Variants in PTPRM observed in about 807,000 individuals in gnomAD.
The protein encoded by PTPRM is protein tyrosine phosphatase receptor type M, also known as receptor-type tyrosine-protein phosphatase mu.
A neutral mutation model predicts 186.7 loss-of-function variants in PTPRM; 47 were observed. That is an observed-to-expected ratio of 0.25 (90% CI 0.20 to 0.32). The LOEUF is 0.32. PTPRM is among the 10% of genes least tolerant of loss of function. The pLI, the probability that PTPRM is intolerant of heterozygous loss-of-function variation, is 1.00. For synonymous variants in PTPRM, 668 were observed against 674.9 expected (o/e 0.99, Z 0.16); for missense variants, 1,494 against 1,865.0 (o/e 0.80, Z 3.66).
At chr18:7,998,399 A>G (rs985845552) in intron 7 of PTPRM, among the ~76,000 whole-genome samples, 1 of 152,128 alleles carries the variant, frequency 6.6e-6, no homozygotes, top group South Asian at 2.1e-4. Context: ...TGGAAGCCCC[A>G]ATTACCCTGA....
chr18:7,784,677 C>T (rs1313686801), intron 2 of PTPRM, among the ~76,000 whole-genome samples: 1 of 152,206 alleles, frequency 6.6e-6, no homozygotes, highest in Non-Finnish European at 1.5e-5. Flanking sequence ...GCCCAAATTG[C>T]AGCTCTTTTC....
At chr18:7,574,487 A>G (rs943863542) in intron 1 of PTPRM, among the ~76,000 whole-genome samples, 2 of 152,246 alleles carry the variant, frequency 1.3e-5, no homozygotes, top group Non-Finnish European at 2.9e-5. Context: ...TAATTCAAAT[A>G]AATATTTATT....
At chr18:8,298,958 T>A (rs1253693082) in intron 20 of PTPRM, among the ~76,000 whole-genome samples, 2 of 152,116 alleles carry the variant, frequency 1.3e-5, no homozygotes, top group Non-Finnish European at 2.9e-5. Flanking sequence ...TACAAAAAAA[T>A]TTTAAAAATT....
chr18:7,813,761 C>CT (rs34152885), intron 2 of PTPRM, among the ~76,000 whole-genome samples: 4 of 149,690 alleles, frequency 2.7e-5, no homozygotes, highest in East Asian at 3.9e-4. Flanking sequence ...ATTTTTTCAT[C>CT]TTTTTTTCCC....
Position 7,785,059 on chromosome 18 carries a change from G to C in PTPRM, c.196+10788G>C, listed in dbSNP as rs543033068. ...GTAAAGGCAGTGAGGGGTGGGAAGG[G>C]AGCACAGGTGTTCACAAGGCTGCCT... On this transcript the variant is annotated intron_variant, in intron 2 of 32. Transcript: ENST00000580170. Among the ~76,000 whole-genome samples the C allele has an allele frequency of 3.9e-5, 6 of 152,288 alleles. No individual in the cohort carries two copies. The East Asian group carries it at 1.2e-3, about 29-fold the overall frequency.
intron 7 of PTPRM, among the ~76,000 whole-genome samples, chr18:8,063,382 G>A (rs1193136458): frequency 1.3e-5 from 2 of 151,864 alleles, no homozygotes; most frequent in East Asian, 3.9e-4. Context: ...CGGTACCTCA[G>A]ATGGAAATGC....
chr18:7,687,068 C>A (rs188592075), intron 1 of PTPRM, among the ~76,000 whole-genome samples: 66 of 152,190 alleles, frequency 4.3e-4, no homozygotes, highest in African/African-American at 1.5e-3. Context: ...TAGTTTATAA[C>A]CTCAACTAAT....
At chr18:7,713,674 A>G (rs2040259439) in intron 1 of PTPRM, among the ~76,000 whole-genome samples, 1 of 148,194 alleles carries the variant, frequency 6.7e-6, no homozygotes, top group African/African-American at 2.5e-5. Flanking sequence ...GGATAGAGGA[A>G]TATTTTCCAA....
At chr18:8,094,921 C>T (rs2090937977) in intron 11 of PTPRM, among the ~76,000 whole-genome samples, 1 of 152,190 alleles carries the variant, frequency 6.6e-6, no homozygotes, top group Non-Finnish European at 1.5e-5. Flanking sequence ...TCCAGGCTCT[C>T]TCCACTTGTA....
chr18:7,712,391 A>G (rs2040231888), intron 1 of PTPRM, among the ~76,000 whole-genome samples: 2 of 152,180 alleles, frequency 1.3e-5, no homozygotes, highest in South Asian at 2.1e-4. Context: ...AGATAAATCC[A>G]TGAAGATGGG....
intron 2 of PTPRM, among the ~76,000 whole-genome samples, chr18:7,847,941 G>A (rs1434128432): frequency 6.6e-6 from 1 of 152,212 alleles, no homozygotes; most frequent in East Asian, 1.9e-4. Context: ...CACAGAAGAG[G>A]AAGAATGAGT....
chr18:8,212,884 C>T (rs770975809), intron 14 of PTPRM, among the ~76,000 whole-genome samples: 3 of 152,174 alleles, frequency 2.0e-5, no homozygotes, highest in Non-Finnish European at 2.9e-5. Context: ...ACCCACCACC[C>T]GTCTCCATTC....
chr18:8,339,834 T>C lies in PTPRM; in HGVS notation c.2957-3589T>C, dbSNP rs139270081. 8.9e-3 allele frequency among the ~76,000 whole-genome samples: 1,349 copies of C among 152,218 alleles called. 6 individuals are homozygous for C. The highest frequency in any genetic ancestry group is 0.014 in the African/African-American group (590 of 41,546). On this transcript the variant is annotated intron_variant, in intron 22 of 32. Transcript: ENST00000580170. The stretch of plus-strand genomic sequence containing the variant: ...CACCCCTCCCCTGGCCTGGAGGGTA[T>C]GTTCTGATTTTGCCAGGAGACAGGT...
At chr18:8,354,219 A>G (rs2095551668) in intron 23 of PTPRM, among the ~76,000 whole-genome samples, 1 of 151,696 alleles carries the variant, frequency 6.6e-6, no homozygotes, top group African/African-American at 2.4e-5. Flanking sequence ...TCTTAAAAAA[A>G]AAAAAAGTAT....
At chr18:7,877,923 A>C (rs2048324868) in intron 2 of PTPRM, among the ~76,000 whole-genome samples, 1 of 152,190 alleles carries the variant, frequency 6.6e-6, no homozygotes, top group African/African-American at 2.4e-5. Flanking sequence ...GCTCTTGGCA[A>C]GGAGTGTGAC....
rs894926749 is a variant in PTPRM, at chr18:8,131,652, A to G, written c.2168-11995A>G. Among the ~76,000 whole-genome samples, 75 of 152,310 alleles carry G rather than the reference A, an allele frequency of 4.9e-4. 1 individual carries two copies. Among genetic ancestry groups the G allele is most frequent in the Middle Eastern group, 3.4e-3 (1 of 294 alleles). On this transcript the variant is annotated intron_variant, in intron 13 of 32. Coordinates refer to ENST00000580170, the MANE Select transcript of PTPRM (RefSeq NM_001105244.2). ...TTCTCAAGAGAGCATGAGGGGATGC[A>G]CTTTAATAGAACTCTATTATATGGA...
At chr18:7,713,847 C>A (rs1197539318) in intron 1 of PTPRM, among the ~76,000 whole-genome samples, 3 of 151,950 alleles carry the variant, frequency 2.0e-5, no homozygotes, top group Non-Finnish European at 4.4e-5. Context: ...GTATATGCAC[C>A]CAATACAGGA....
At chr18:7,743,665 C>T (rs2040927762) in intron 1 of PTPRM, among the ~76,000 whole-genome samples, 1 of 152,104 alleles carries the variant, frequency 6.6e-6, no homozygotes, top group Non-Finnish European at 1.5e-5. Flanking sequence ...TGGCTAATGT[C>T]AGTGAATTTT....
At chr18:7,721,098 A>G (rs2040437205) in intron 1 of PTPRM, among the ~76,000 whole-genome samples, 1 of 151,718 alleles carries the variant, frequency 6.6e-6, no homozygotes, top group East Asian at 1.9e-4. Context: ...ATAGTGTGAA[A>G]GGGTTCCGGT....
Sources: allele counts gnomAD v4.1 joint callset (sites outside exome capture counted in the v4.1 genomes callset), GRCh38; gene constraint gnomAD v4.1.1; transcripts MANE v1.5; gene names NCBI Gene and HGNC (gene_info 2026-07-23, HGNC 2026-07-21).